The following TBL1XR1 variants were observed in gnomAD, a reference collection of about 807,000 sequenced individuals.
TBL1XR1 encodes the protein TBL1X/Y related 1, also known as F-box-like/WD repeat-containing protein TBL1XR1.
TBL1XR1 carries 5 observed loss-of-function variants against 66.9 expected under a neutral mutation model. That is an observed-to-expected ratio of 0.07 (90% CI 0.04 to 0.16). The LOEUF (loss-of-function observed/expected upper bound fraction) is 0.16, where lower values mean the gene tolerates loss of function less well. Ranked by LOEUF, TBL1XR1 falls within the 10% of genes least tolerant of loss-of-function variation. The pLI is 1.00. For missense variants in TBL1XR1, 238 were observed against 623.2 expected, an observed-to-expected ratio of 0.38 and a Z score of 6.58; for synonymous variants, 210 against 206.0, an observed-to-expected ratio of 1.02 and a Z score of -0.17.
intron 1 of TBL1XR1, among the ~76,000 whole-genome samples, chr3:177,179,463 C>T (rs114935161): frequency 3.0e-3 from 458 of 152,300 alleles, no homozygotes; most frequent in African/African-American, 0.01. Context: ...TTTTAACTTA[C>T]GGTATCTGTT....
intron 14 of TBL1XR1, among the ~76,000 whole-genome samples, chr3:177,031,455 T>G (rs1257720780): frequency 6.6e-6 from 1 of 151,434 alleles, no homozygotes; most frequent in Admixed American, 6.6e-5. Context: ...TGCCTCAGCC[T>G]CCCGAGTAGC....
chr3:177,025,921 A>G (rs893525747), intron 15 of TBL1XR1: 3 of 276,694 alleles, frequency 1.1e-5, no homozygotes, highest in South Asian at 4.8e-5. Context: ...TTTGGAAGCC[A>G]TATTTGCATT....
chr3:177,150,584 G>T (rs1730767063), intron 1 of TBL1XR1, among the ~76,000 whole-genome samples: 1 of 152,264 alleles, frequency 6.6e-6, no homozygotes, highest in African/African-American at 2.4e-5. Flanking sequence ...CTCAGATTCA[G>T]GTACTGTTTT....
chr3:177,129,748 A>G (rs1387697797), intron 1 of TBL1XR1, among the ~76,000 whole-genome samples: 1 of 152,224 alleles, frequency 6.6e-6, no homozygotes, highest in Non-Finnish European at 1.5e-5. Context: ...TTTGGCAAAG[A>G]TAAGAAGTTT....
intron 1 of TBL1XR1, among the ~76,000 whole-genome samples, chr3:177,194,683 T>TATA (rs111408357): frequency 0.064 from 9,686 of 152,150 alleles, 911 homozygotes; most frequent in East Asian, 0.49. Flanking sequence ...CAGTACCCCT[T>TATA]ATATTTATAT....
At chr3:177,148,831 C>T (rs1470907818) in intron 1 of TBL1XR1, among the ~76,000 whole-genome samples, 1 of 151,848 alleles carries the variant, frequency 6.6e-6, no homozygotes, top group African/African-American at 2.4e-5. Context: ...ATGGAGAAAC[C>T]CTGCCTCTAC....
intron 1 of TBL1XR1, chr3:177,131,461 G>C: frequency 3.8e-6 from 3 of 796,602 alleles, no homozygotes; most frequent in Non-Finnish European, 4.5e-6. Flanking sequence ...TAAAAGTTGA[G>C]AAAACAAAAA....
chr3:177,151,221 A>G (rs546046389), intron 1 of TBL1XR1, among the ~76,000 whole-genome samples: 12 of 152,312 alleles, frequency 7.9e-5, no homozygotes, highest in Admixed American at 6.5e-4. Flanking sequence ...TTCACATTGA[A>G]CCACCTCTCC....
chr3:177,083,179 C>G (rs1721658127), intron 2 of TBL1XR1, among the ~76,000 whole-genome samples: 3 of 151,842 alleles, frequency 2.0e-5, no homozygotes, highest in Admixed American at 2.0e-4. Context: ...AGAGTGGAAA[C>G]AAACTCTTAA....
intron 1 of TBL1XR1, among the ~76,000 whole-genome samples, chr3:177,179,318 A>G (rs527416557): frequency 6.6e-6 from 1 of 152,114 alleles, no homozygotes; most frequent in Non-Finnish European, 1.5e-5. Flanking sequence ...CCTGATGCAA[A>G]ACATGAATAT....
chr3:177,077,767 T>G (rs555826216), intron 2 of TBL1XR1, among the ~76,000 whole-genome samples: 10 of 152,370 alleles, frequency 6.6e-5, no homozygotes, highest in African/African-American at 2.4e-4. Flanking sequence ...ATTATCTCTT[T>G]ATGATACCTA....
At chr3:177,179,311 G>A (rs1379057925) in intron 1 of TBL1XR1, among the ~76,000 whole-genome samples, 7 of 152,070 alleles carry the variant, frequency 4.6e-5, no homozygotes. Context: ...ATTGTTACCT[G>A]ATGCAAAACA....
chr3:177,143,976 G>T (rs1174217752), intron 1 of TBL1XR1, among the ~76,000 whole-genome samples: 1 of 152,186 alleles, frequency 6.6e-6, no homozygotes, highest in Non-Finnish European at 1.5e-5. Flanking sequence ...TTCAGGCCGG[G>T]CATGGTGGCT....
intron 2 of TBL1XR1, among the ~76,000 whole-genome samples, chr3:177,071,779 T>C (rs189966054): frequency 1.8e-4 from 28 of 152,264 alleles, no homozygotes; most frequent in African/African-American, 6.7e-4. Context: ...GGGAAAAGTA[T>C]ATGGAGTAAA....
At chr3:177,042,540 T>C (rs763236803) in intron 10 of TBL1XR1, among the ~76,000 whole-genome samples, 2 of 152,212 alleles carry the variant, frequency 1.3e-5, no homozygotes, top group Admixed American at 6.5e-5. Context: ...GCCTGCCTCA[T>C]AAAATACAGT....
chr3:177,121,671 A>ATCT (rs1415420289), intron 1 of TBL1XR1, among the ~76,000 whole-genome samples: 1 of 152,204 alleles, frequency 6.6e-6, no homozygotes, highest in African/African-American at 2.4e-5. Context: ...ATTAAGTAAC[A>ATCT]TCTTTCATCA....
intron 3 of TBL1XR1, among the ~76,000 whole-genome samples, chr3:177,060,149 C>T (rs1718326554): frequency 6.6e-6 from 1 of 151,920 alleles, no homozygotes; most frequent in African/African-American, 2.4e-5. Flanking sequence ...TATTGTGGGT[C>T]TTTACTTTGT....
Position 177,048,898 on chromosome 3 carries a change from G to C in TBL1XR1, c.702+1099C>G, listed in dbSNP as rs1014030404. ...ACTATAAATTTCATTAACATGGCCA[G>C]TGGACCAGGTAGCGTAAGAAAGCTG... On this transcript the variant is annotated intron_variant, in intron 7 of 15. Transcript: ENST00000457928. Among the ~76,000 whole-genome samples the C allele has an allele frequency of 2.9e-4, 44 of 152,308 alleles. 1 individual carries two copies. The highest frequency in any genetic ancestry group is 5.4e-4 in the Non-Finnish European group (37 of 68,030).
intron 1 of TBL1XR1, among the ~76,000 whole-genome samples, chr3:177,176,037 C>A (rs1347131182): frequency 3.5e-5 from 5 of 141,802 alleles, no homozygotes; most frequent in African/African-American, 1.3e-4. Context: ...CCAGCCTGGG[C>A]AACAGAGCGA....
Sources: gnomAD v4.1 joint callset for allele counts (sites outside exome capture counted in the v4.1 genomes callset) on GRCh38, gnomAD v4.1.1 for gene constraint, MANE v1.5 for transcripts, NCBI Gene and HGNC (gene_info 2026-07-23, HGNC 2026-07-21) for gene names.